The following RIMS1 variants were observed in gnomAD, a reference collection of about 807,000 sequenced individuals.
RIMS1 encodes regulating synaptic membrane exocytosis 1, also known as regulating synaptic membrane exocytosis protein 1.
In RIMS1, 83 loss-of-function variants were observed where a neutral mutation model predicts 214.1. The ratio of observed to expected loss-of-function variants is 0.39; its 90% CI spans 0.32 to 0.47. The LOEUF (loss-of-function observed/expected upper bound fraction) is 0.47, where lower values mean the gene tolerates loss of function less well. Among genes scored for constraint, RIMS1 ranks in the 20% least tolerant of loss-of-function variants. RIMS1 has a pLI of 0.99. For missense variants in RIMS1, 2,050 were observed against 2,161.8 expected (o/e 0.95, Z 1.03); for synonymous variants, 793 against 786.8 (o/e 1.01, Z -0.13).
intron 1 of RIMS1, among the ~76,000 whole-genome samples, chr6:71,933,722 T>G (rs1225994161): frequency 9.7e-6 from 1 of 103,554 alleles, no homozygotes; most frequent in Non-Finnish European, 2.1e-5. Flanking sequence ...ACACACAAGT[T>G]GTATTAAAAT....
chr6:72,351,139 A>G (rs2097432709), intron 29 of RIMS1, among the ~76,000 whole-genome samples: 1 of 152,030 alleles, frequency 6.6e-6, no homozygotes, highest in Non-Finnish European at 1.5e-5. Context: ...GTAACATATC[A>G]TATTGCATTT....
intron 16 of RIMS1, among the ~76,000 whole-genome samples, chr6:72,256,439 A>T (rs75404698): frequency 0.066 from 10,114 of 152,206 alleles, 400 homozygotes; most frequent in Non-Finnish European, 0.092. Flanking sequence ...ATTTCTATAT[A>T]ACCACAAAGA....
chr6:72,137,693 T>C (rs1157443143), intron 4 of RIMS1, among the ~76,000 whole-genome samples: 6 of 151,556 alleles, frequency 4.0e-5, no homozygotes, highest in Non-Finnish European at 8.8e-5. Flanking sequence ...TGTCCTAAAA[T>C]TAAGATGCAA....
rs766558828 is a variant in RIMS1 at position 72,248,109 on chromosome 6, C to T, written c.2223C>T (p.Val741=). 5.6e-6 allele frequency: 9 copies of T among 1,610,334 alleles called. No homozygotes were observed. Among genetic ancestry groups the T allele is most frequent in the Non-Finnish European group, 7.6e-6 (9 of 1,177,480 alleles). Residue 741 remains valine, a synonymous_variant, in exon 12 of 34, where the codon GTC becomes GTT. Transcript: ENST00000521978. ...GAGCTCTAAAAGATGCCCCACAAGT[C>T]TTACCAGGGCAACTTTCTGTATGTA... ...SPGALKDAPQ[V]LPGQLSVKLW...
chr6:72,007,672 C>T lies in RIMS1; in HGVS notation c.245+38609C>T, dbSNP rs374528819. Among the ~76,000 whole-genome samples the T allele has an allele frequency of 1.2e-4, 18 of 152,168 alleles. No homozygotes were observed. The East Asian group carries it at 1.9e-3, about 16-fold the overall frequency. On this transcript the variant is annotated intron_variant, in intron 2 of 33. Transcript: ENST00000521978. ...AAACCATGGCATGAGAACTACGTGA[C>T]GAATGCACAAGCTTCAGTAGCTGAT...
intron 2 of RIMS1, among the ~76,000 whole-genome samples, chr6:72,053,477 G>T (rs1357344324): frequency 6.6e-6 from 1 of 152,096 alleles, no homozygotes; most frequent in East Asian, 1.9e-4. Flanking sequence ...CACAGATTTG[G>T]ATTGTTTTGA....
At chr6:71,969,982 C>A (rs929559050) in intron 2 of RIMS1, among the ~76,000 whole-genome samples, 9 of 151,982 alleles carry the variant, frequency 5.9e-5, no homozygotes, top group Middle Eastern at 3.4e-3. Flanking sequence ...CCTGCTTTAC[C>A]CTTTATTTGG....
Position 72,274,372 on chromosome 6 carries a change from A to G in RIMS1, c.3422A>G (p.Asp1141Gly). The G allele has an allele frequency of 6.2e-7, 1 of 1,612,600 alleles. No homozygotes were observed. Among genetic ancestry groups the G allele is most frequent in the South Asian group, 1.1e-5 (1 of 90,962 alleles). Residue 1141 changes from aspartate to glycine, a missense_variant, in exon 23 of 34, where the codon GAT (aspartate) becomes GGT (glycine). Coordinates refer to ENST00000521978, the MANE Select transcript of RIMS1 (RefSeq NM_014989.7). Reference sequence around the variant, plus strand: ...AGGGGTAGATGGTCCCCCTCCCTAGATAGGAGACGACCTCCTAGTCCCAGG... The same window carrying G: ...AGGGGTAGATGGTCCCCCTCCCTAGGTAGGAGACGACCTCCTAGTCCCAGG... Reference protein sequence around the residue: ...RERGRWSPSLDRRRPPSPRIQ... With the variant: ...RERGRWSPSLGRRRPPSPRIQ...
At chr6:71,906,370 G>A (rs1775247610) in intron 1 of RIMS1, among the ~76,000 whole-genome samples, 1 of 152,104 alleles carries the variant, frequency 6.6e-6, no homozygotes, top group Non-Finnish European at 1.5e-5. Context: ...ACAGCAAAAA[G>A]TGCTCATATG....
intron 29 of RIMS1, among the ~76,000 whole-genome samples, chr6:72,363,905 T>C (rs2097905907): frequency 6.6e-6 from 1 of 152,202 alleles, no homozygotes; most frequent in African/African-American, 2.4e-5. Context: ...TACTTGGTGG[T>C]AGTGTGGGGG....
intron 1 of RIMS1, among the ~76,000 whole-genome samples, chr6:71,937,177 T>C (rs545725814): frequency 5.1e-4 from 78 of 152,274 alleles, no homozygotes; most frequent in Non-Finnish European, 8.8e-4. Flanking sequence ...TCTGCTGTTA[T>C]GCCAGATTGC....
chr6:72,110,520 T>A (rs1262237448), intron 4 of RIMS1, among the ~76,000 whole-genome samples: 1 of 149,616 alleles, frequency 6.7e-6, no homozygotes, highest in East Asian at 1.9e-4. Context: ...TATTGGTGTA[T>A]AAGAATGCTT....
At chr6:71,896,207 A>G (rs1274243152) in intron 1 of RIMS1, among the ~76,000 whole-genome samples, 1 of 152,236 alleles carries the variant, frequency 6.6e-6, no homozygotes, top group African/African-American at 2.4e-5. Flanking sequence ...GACAGTTTTC[A>G]TAAAAGTGTA....
At chr6:72,357,944 G>A (rs920389738) in intron 29 of RIMS1, among the ~76,000 whole-genome samples, 3 of 152,186 alleles carry the variant, frequency 2.0e-5, no homozygotes, top group African/African-American at 7.2e-5. Flanking sequence ...AGCAGTTTCT[G>A]AGTGATGCTC....
At chr6:72,199,480 C>A (rs1212124087) in intron 6 of RIMS1, among the ~76,000 whole-genome samples, 2 of 151,850 alleles carry the variant, frequency 1.3e-5, no homozygotes, top group Non-Finnish European at 2.9e-5. Flanking sequence ...TTAGAATAAA[C>A]CCTTTTTTTC....
At chr6:72,341,220 A>G (rs892640351) in intron 29 of RIMS1, among the ~76,000 whole-genome samples, 1 of 152,144 alleles carries the variant, frequency 6.6e-6, no homozygotes, top group African/African-American at 2.4e-5. Flanking sequence ...CAATCATGTC[A>G]TCTGCAAACA....
At chr6:72,143,439 C>T (rs1251777164) in intron 4 of RIMS1, among the ~76,000 whole-genome samples, 1 of 152,000 alleles carries the variant, frequency 6.6e-6, no homozygotes, top group Admixed American at 6.6e-5. Flanking sequence ...ACTGGGTTCA[C>T]AATGTCTCAA....
intron 29 of RIMS1, among the ~76,000 whole-genome samples, chr6:72,364,270 T>C (rs554613392): frequency 6.6e-6 from 1 of 152,190 alleles, no homozygotes; most frequent in Non-Finnish European, 1.5e-5. Context: ...TCTGACACAT[T>C]ATAACGAGGA....
In RIMS1 at chr6:72,125,897, G is replaced by C. The variant is rs2039412763; in HGVS notation, c.471+25911G>C. Among the ~76,000 whole-genome samples the C allele has an allele frequency of 4.6e-5, 7 of 152,198 alleles. 1 individual carries two copies. The South Asian group carries it at 1.4e-3, about 32-fold the overall frequency. On this transcript the variant is annotated intron_variant, in intron 4 of 33. Coordinates refer to ENST00000521978, the MANE Select transcript of RIMS1 (RefSeq NM_014989.7). Reference sequence around the variant, plus strand: ...GATTTTCCAGGTACCATCTGTCACGGCTTCCCTTGGCTAGGAAAGGGAAAT... The same window carrying C: ...GATTTTCCAGGTACCATCTGTCACGCCTTCCCTTGGCTAGGAAAGGGAAAT...
Sources: gnomAD v4.1 joint callset for allele counts (sites outside exome capture counted in the v4.1 genomes callset) on GRCh38, gnomAD v4.1.1 for gene constraint, MANE v1.5 for transcripts, NCBI Gene and HGNC (gene_info 2026-07-23, HGNC 2026-07-21) for gene names.